HMCN2: variants seen among roughly 807,000 people sequenced by gnomAD.
HMCN2 encodes the protein hemicentin 2.
A neutral mutation model predicts 377.5 loss-of-function variants in HMCN2; 325 were observed. The ratio of observed to expected loss-of-function variants is 0.86; its 90% CI spans 0.79 to 0.94. The LOEUF (loss-of-function observed/expected upper bound fraction) is 0.94. Ranked by LOEUF, HMCN2 falls within the 40% of genes least tolerant of loss-of-function variation. HMCN2 has a pLI of 0.00. For missense variants in HMCN2, 4,543 were observed against 4,725.3 expected (o/e 0.96, Z 1.13); for synonymous variants, 2,007 against 2,046.8 (o/e 0.98, Z 0.53).
intron 8 of HMCN2, among the ~76,000 whole-genome samples, chr9:130,300,417 C>A (rs1554933956): frequency 6.6e-6 from 1 of 152,240 alleles, no homozygotes; most frequent in Admixed American, 6.5e-5. Flanking sequence ...CTGTCATAAT[C>A]ACAATCATCC....
At chr9:130,387,889 C>T (rs906587869) in intron 61 of HMCN2, among the ~76,000 whole-genome samples, 25 of 152,106 alleles carry the variant, frequency 1.6e-4, no homozygotes, top group African/African-American at 4.8e-4. Context: ...TCAGACTGGG[C>T]GACATAGTGA....
intron 77 of HMCN2, among the ~76,000 whole-genome samples, chr9:130,402,160 G>C (rs928236687): frequency 6.6e-6 from 1 of 152,258 alleles, no homozygotes; most frequent in Non-Finnish European, 1.5e-5. Context: ...ACAAACCACA[G>C]TTCTGGTTCC....
chr9:130,432,501 A>G lies in HMCN2; in HGVS notation c.14840A>G (p.Tyr4947Cys), dbSNP rs2131844044. 1.9e-6 allele frequency: 3 copies of G among 1,550,654 alleles called. No homozygotes were observed. Among genetic ancestry groups the G allele is most frequent in the South Asian group, 1.2e-5 (1 of 84,066 alleles). ...GQMCFNTRGS[Y>C]QCVDTPCPAT... The stretch of plus-strand genomic sequence containing the variant: ...ATGTGCTTCAACACCCGTGGCAGCT[A>G]CCAGTGTGTGGACACACCCTGTCCT... The change falls in exon 97 of 98, where the codon TAC (tyrosine) becomes TGC (cysteine). Residue 4947 changes from tyrosine to cysteine, a missense_variant. Physicochemically the swap from Tyr to Cys is radical, Grantham distance 194. Coordinates refer to ENST00000683500, the MANE Select transcript of HMCN2 (RefSeq NM_001291815.2).
chr9:130,369,934 C>T lies in HMCN2; in HGVS notation c.7069+83C>T. On this transcript the variant is annotated intron_variant, in intron 45 of 97. Coordinates refer to ENST00000683500, the MANE Select transcript of HMCN2 (RefSeq NM_001291815.2). The surrounding 1 kb of genome is among the most constrained non-coding windows in gnomAD (Gnocchi z 4.5). ...GGGTTCAATCTCCAGGCACGGCCCT[C>T]AGGCTGTGATCCTGGGGTCACACCT... 3 of 835,086 alleles carry T rather than the reference C, an allele frequency of 3.6e-6. No individual in the cohort carries two copies. The highest frequency in any genetic ancestry group is 4.3e-6 in the Non-Finnish European group (3 of 692,608). 51.7% of individuals were successfully genotyped at this position (835,086 alleles called of 1,614,324 possible).
In HMCN2 at chr9:130,319,883, A is replaced by T. The variant is rs922514947; in HGVS notation, c.2551+188A>T. ...TCATTCCACTACTCTGACCCTGTTC[A>T]TAATCACGACCATGAAATCTACTAC... On this transcript the variant is annotated intron_variant, in intron 16 of 97. Transcript: ENST00000683500. Among the ~76,000 whole-genome samples the T allele has an allele frequency of 4.6e-5, 7 of 152,204 alleles. No individual in the cohort carries two copies. In the East Asian group the frequency reaches 1.2e-3, roughly 25 times the overall value.
At chr9:130,322,553 C>T (rs1268957427) in intron 19 of HMCN2, among the ~76,000 whole-genome samples, 1 of 152,134 alleles carries the variant, frequency 6.6e-6, no homozygotes, top group East Asian at 1.9e-4. Flanking sequence ...GATCATGTCC[C>T]CTGATTATCT....
chr9:130,279,151 G>A (rs540400564), intron 1 of HMCN2, among the ~76,000 whole-genome samples: 87 of 151,680 alleles, frequency 5.7e-4, no homozygotes, highest in African/African-American at 2.0e-3. Context: ...CACCCACCTC[G>A]GCCTCCCAAA....
In HMCN2 at chr9:130,423,314, C is replaced by T. The variant is rs538778369; in HGVS notation, c.13381+588C>T. ...CCTTCCCAAGGAATCCCTGGCCCCT[C>T]GTGGGGGTCCAGGAGGGGCAGTATT... On this transcript the variant is annotated intron_variant, in intron 87 of 97. Coordinates refer to ENST00000683500, the MANE Select transcript of HMCN2 (RefSeq NM_001291815.2). The surrounding 1 kb of genome is among the most constrained non-coding windows in gnomAD (Gnocchi z 5.5). Among the ~76,000 whole-genome samples, 60 of 152,254 alleles carry T rather than the reference C, an allele frequency of 3.9e-4. No homozygotes were observed. The highest frequency in any genetic ancestry group is 5.0e-4 in the Non-Finnish European group (34 of 68,010).
At chr9:130,283,538 C>T (rs1480779683) in intron 1 of HMCN2, among the ~76,000 whole-genome samples, 4 of 152,000 alleles carry the variant, frequency 2.6e-5, no homozygotes, top group Non-Finnish European at 4.4e-5. Context: ...CACTGAGGAT[C>T]CCACATTCCT....
chr9:130,420,176 ACCATTCTCCTGCCTCAGC>A (rs1226112300), intron 86 of HMCN2, among the ~76,000 whole-genome samples: 4 of 144,042 alleles, frequency 2.8e-5, no homozygotes, highest in African/African-American at 1.0e-4. Context: ...CCGGGTTCAC[ACCATTCTCCTGCCTCAGC>A]CTCCCAAGTA....
In HMCN2 at chr9:130,352,035, C is replaced by T. The variant is rs534736469; in HGVS notation, c.4585+458C>T. Among the ~76,000 whole-genome samples, 157 of 152,302 alleles carry T rather than the reference C, an allele frequency of 1.0e-3. 1 individual carries two copies. The highest frequency in any genetic ancestry group is 3.4e-3 in the Middle Eastern group (1 of 294). The stretch of plus-strand genomic sequence containing the variant: ...CCATGTTGGCCAGGCTGGCCTTGAA[C>T]TCCTGACCTCAAGTGATCCTCCTGC... On this transcript the variant is annotated intron_variant, in intron 30 of 97. Transcript: ENST00000683500.
intron 42 of HMCN2, 55 bp downstream of exon 42, chr9:130,365,782 C>T (rs1840660116): frequency 1.0e-6 from 1 of 976,878 alleles, no homozygotes; most frequent in Non-Finnish European, 1.2e-6. Flanking sequence ...GATTGCGTCC[C>T]AGGACACAGC....
chr9:130,293,284 T>TTTTTTTTTTGTTTTG (rs1835906945), intron 4 of HMCN2, among the ~76,000 whole-genome samples: 1 of 139,132 alleles, frequency 7.2e-6, no homozygotes, highest in Non-Finnish European at 1.5e-5. Flanking sequence ...CTAAAGTTTT[T>TTTTTTTTTTGTTTTG]TTTTTTTTTT....
At chr9:130,353,878 G>A (rs1216009915) in intron 31 of HMCN2, among the ~76,000 whole-genome samples, 2 of 152,130 alleles carry the variant, frequency 1.3e-5, no homozygotes, top group South Asian at 2.1e-4. Flanking sequence ...AGAGGGCAGC[G>A]TGCAAGCTGA....
chr9:130,360,914 A>G lies in HMCN2; in HGVS notation c.5950+310A>G, dbSNP rs969391464. Among the ~76,000 whole-genome samples, 2 of 151,172 alleles carry G rather than the reference A, an allele frequency of 1.3e-5. No homozygotes were observed. The highest frequency in any genetic ancestry group is 1.9e-4 in the East Asian group (1 of 5,142). On this transcript the variant is annotated intron_variant, in intron 38 of 97. Transcript: ENST00000683500. This position sits in a 1 kb window ranked among gnomAD's most constrained non-coding sequence, Gnocchi z 4.7. Reference sequence around the variant, plus strand: ...CCATCCATCTCTCATCCATCCATTTATCCACCCAACCATCCTTTCATTCAT... The same window carrying G: ...CCATCCATCTCTCATCCATCCATTTGTCCACCCAACCATCCTTTCATTCAT...
intron 80 of HMCN2, among the ~76,000 whole-genome samples, chr9:130,404,332 G>A (rs1390812941): frequency 6.6e-6 from 1 of 152,234 alleles, no homozygotes; most frequent in Admixed American, 6.5e-5. Flanking sequence ...GCTATGTAGG[G>A]CTGGAGTCAG....
Position 130,395,120 on chromosome 9 carries a change from G to T in HMCN2, c.10774+12G>T, listed in dbSNP as rs558827954. 7.9e-7 allele frequency: 1 copy of T among 1,271,336 alleles called. No individual in the cohort carries two copies. The highest frequency in any genetic ancestry group is 1.0e-6 in the Non-Finnish European group (1 of 977,380). The allele number at this position is 1,271,336 out of a possible 1,614,324, so 78.8% of individuals were successfully genotyped here. Reference sequence around the variant, plus strand: ...GGTCAGGGTTCAAGGTAGGTGGTGGGGGTGGGGTGGGGGCAGGGCCGGGAG... The same window carrying T: ...GGTCAGGGTTCAAGGTAGGTGGTGGTGGTGGGGTGGGGGCAGGGCCGGGAG... On this transcript the variant is annotated intron_variant, in intron 70 of 97. Transcript: ENST00000683500.
intron 6 of HMCN2, 78 bp downstream of exon 6, chr9:130,295,850 G>A: frequency 2.3e-6 from 1 of 439,420 alleles, no homozygotes; most frequent in Admixed American, 2.5e-5. Flanking sequence ...TTGCCCTGGG[G>A]AGCCTGTGGC....
chr9:130,292,996 A>G (rs1835879885), intron 4 of HMCN2, among the ~76,000 whole-genome samples: 1 of 108,976 alleles, frequency 9.2e-6, no homozygotes, highest in South Asian at 2.8e-4. Flanking sequence ...CTATCTATCT[A>G]TCTACCTACC....
Sources: allele counts gnomAD v4.1 joint callset (sites outside exome capture counted in the v4.1 genomes callset), GRCh38; gene constraint gnomAD v4.1.1; non-coding constraint Gnocchi (gnomAD v3.1); transcripts MANE v1.5; gene names NCBI Gene and HGNC (gene_info 2026-07-23, HGNC 2026-07-21).